Variants in RFWD3 observed in about 807,000 individuals in gnomAD.
RFWD3 encodes ring finger and WD repeat domain 3, also known as E3 ubiquitin-protein ligase RFWD3.
A neutral mutation model predicts 87.7 loss-of-function variants in RFWD3; 65 were observed. The observed-to-expected ratio is 0.74, with a 90% confidence interval of 0.61 to 0.91. RFWD3 has a LOEUF of 0.91. Among genes scored for constraint, RFWD3 ranks in the 40% least tolerant of loss-of-function variants. The pLI is 0.00. For synonymous variants in RFWD3, 433 were observed against 352.8 expected (o/e 1.23, Z -2.55); for missense variants, 1,078 against 938.5 (o/e 1.15, Z -1.94).
At chr16:74,663,876 C>T (rs1423596982) in intron 1 of RFWD3, among the ~76,000 whole-genome samples, 1 of 152,080 alleles carries the variant, frequency 6.6e-6, no homozygotes, top group Non-Finnish European at 1.5e-5. Context: ...CCACAAAAGG[C>T]AATATTGAAA....
At chr16:74,665,921 C>T (rs1961851572) in intron 1 of RFWD3, among the ~76,000 whole-genome samples, 2 of 152,060 alleles carry the variant, frequency 1.3e-5, no homozygotes, top group African/African-American at 2.4e-5. Flanking sequence ...TGGTCTCGAA[C>T]TCCTGGCCTC....
chr16:74,626,284 T>G, intron 12 of RFWD3, 59 bp downstream of exon 12: 1 of 1,498,140 alleles, frequency 6.7e-7, no homozygotes, highest in Non-Finnish European at 9.3e-7. Context: ...ATGTTTTCCC[T>G]TACCAATATT....
intron 2 of RFWD3, 127 bp downstream of exon 2, chr16:74,660,805 G>T: frequency 1.0e-6 from 1 of 989,070 alleles, no homozygotes; most frequent in Non-Finnish European, 1.5e-6. Context: ...TTCCACCTAT[G>T]AGGAACTGGG....
At chr16:74,649,682 A>G (rs1960425031) in intron 3 of RFWD3, among the ~76,000 whole-genome samples, 1 of 152,228 alleles carries the variant, frequency 6.6e-6, no homozygotes, top group Admixed American at 6.5e-5. Flanking sequence ...CATCCAGTTC[A>G]TATTCAAAAT....
At chr16:74,632,443 G>A in intron 9 of RFWD3, 80 bp downstream of exon 9, 1 of 1,459,130 alleles carries the variant, frequency 6.9e-7, no homozygotes, top group Non-Finnish European at 9.5e-7. Context: ...CAGAGCTAAG[G>A]TCATCATAAC....
intron 4 of RFWD3, among the ~76,000 whole-genome samples, chr16:74,647,920 C>G (rs2144234622): frequency 6.6e-6 from 1 of 152,128 alleles, no homozygotes; most frequent in Middle Eastern, 3.4e-3. Flanking sequence ...AAATTATCAC[C>G]TACTAACCAT....
intron 2 of RFWD3, among the ~76,000 whole-genome samples, chr16:74,659,796 A>G (rs1961285261): frequency 6.6e-6 from 1 of 152,166 alleles, no homozygotes; most frequent in East Asian, 1.9e-4. Context: ...CCTTATCACA[A>G]CCAAATCACA....
At chr16:74,632,871 T>G (rs1959143895) in intron 8 of RFWD3, 198 bp from the exon 9 acceptor site, 1 of 537,216 alleles carries the variant, frequency 1.9e-6, no homozygotes, top group Non-Finnish European at 3.3e-6. Context: ...TGCAGTGGCG[T>G]AACCTCAGCT....
Position 74,661,470 on chromosome 16 carries a change from T to C in RFWD3, c.-2-19A>G, listed in dbSNP as rs1961435690. On this transcript the variant is annotated intron_variant, in intron 1 of 12. Transcript: ENST00000361070. ...GCCATCACTAGAGAAACAGTATTTG[T>C]AAAAAGTATTAATAAAATAGATAAA... is the stretch of plus-strand genomic sequence containing the variant. 2.6e-6 allele frequency: 4 copies of C among 1,559,040 alleles called. No individual in the cohort carries two copies. The highest frequency in any genetic ancestry group is 4.0e-5 in the Admixed American group (2 of 49,944).
Position 74,636,446 on chromosome 16 carries a change from G to A in RFWD3, c.1326C>T (p.Phe442=), listed in dbSNP as rs990609586. The A allele has an allele frequency of 4.3e-6, 7 of 1,614,054 alleles. No homozygotes were observed. The highest frequency in any genetic ancestry group is 1.7e-5 in the Admixed American group (1 of 60,004). ...HKHKYHFQKT[F]TVSQAGNCRI... ...GGCAGTTTCCTGCCTGAGATACTGT[G>A]AAGGTCTTTTGGAAGTGGTACTTGT... Residue 442 remains phenylalanine, a synonymous_variant, in exon 8 of 13, where the codon TTC becomes TTT. Transcript: ENST00000361070.
At position 74,623,903 on chromosome 16, in the gene RFWD3, T is replaced by G. The variant is rs748680308; in HGVS notation, c.*25A>C. On this transcript the variant is annotated 3_prime_UTR_variant, in exon 13 of 13. Coordinates refer to ENST00000361070, the MANE Select transcript of RFWD3 (RefSeq NM_018124.4). ...AGCAAACAACATCTAACCAGCAGCATGCCTTCAAGGTTTCGAGACCACAGT... is the reference window on the plus strand; with the variant it reads ...AGCAAACAACATCTAACCAGCAGCAGGCCTTCAAGGTTTCGAGACCACAGT... 8.4e-5 allele frequency: 135 copies of G among 1,612,902 alleles called. No individual in the cohort carries two copies. Among genetic ancestry groups the G allele is most frequent in the Non-Finnish European group, 1.1e-4 (130 of 1,179,316 alleles).
chr16:74,645,745 CTTTTTTTTT>C (rs71376293), intron 4 of RFWD3, among the ~76,000 whole-genome samples: 2 of 74,196 alleles, frequency 2.7e-5, no homozygotes, highest in East Asian at 4.6e-4. Flanking sequence ...CAAATATTTT[CTTTTTTTTT>C]TTTTTTTTTT....
intron 1 of RFWD3, among the ~76,000 whole-genome samples, chr16:74,663,642 C>T (rs1961638177): frequency 6.6e-6 from 1 of 152,170 alleles, no homozygotes; most frequent in African/African-American, 2.4e-5. Flanking sequence ...CAACCTGAGA[C>T]ATTTTTTTAA....
chr16:74,632,449 A>G (rs1243526241), intron 9 of RFWD3, 74 bp downstream of exon 9: 3 of 1,513,562 alleles, frequency 2.0e-6, no homozygotes, highest in Non-Finnish European at 2.7e-6. Flanking sequence ...TAAGGTCATC[A>G]TAACACCGAT....
chr16:74,632,554 CAG>C lies in RFWD3; in HGVS notation c.1544_1545del (p.Ser515CysfsTer8), dbSNP rs772992025. On this transcript the variant is annotated frameshift_variant, in exon 9 of 13. Coordinates refer to ENST00000361070, the MANE Select transcript of RFWD3 (RefSeq NM_018124.4). LOFTEE classifies it high-confidence loss of function. ...AGTTTAATAGTGTTGTCTAGGGAAGCAGAGAGTAGCAAGCCTCTGAGGTAACT... is the reference window on the plus strand; with the variant it reads ...AGTTTAATAGTGTTGTCTAGGGAAGCAGAGTAGCAAGCCTCTGAGGTAACT... ...FSSYLRGLLL[S>X]ASLDNTIKLT... 1.9e-6 allele frequency: 3 copies of C among 1,614,014 alleles called. No homozygotes were observed. The highest frequency in any genetic ancestry group is 2.2e-5 in the East Asian group (1 of 44,880).
chr16:74,649,179 C>T lies in RFWD3; in HGVS notation c.745G>A (p.Glu249Lys). 6.4e-7 allele frequency: 1 copy of T among 1,567,650 alleles called. No individual in the cohort carries two copies. Among genetic ancestry groups the T allele is most frequent in the Non-Finnish European group, 8.6e-7 (1 of 1,164,964 alleles). Residue 249 changes from glutamate to lysine, a missense_variant, in exon 4 of 13, where the codon GAG becomes AAG. By Grantham distance (56) the Glu-to-Lys change is moderately conservative (BLOSUM62 1). Transcript: ENST00000361070. ...LEEQLAGVSA[E>K]QEVTCIDGGK... ...CCATCGATACATGTAACTTCTTGCT[C>T]TGCTGAGACACCTGCTAGTTGCTCT...
intron 8 of RFWD3, among the ~76,000 whole-genome samples, chr16:74,635,659 TTGA>T (rs1201549065): frequency 1.3e-5 from 2 of 152,216 alleles, no homozygotes; most frequent in African/African-American, 2.4e-5. Context: ...TTGGTTTTAT[TTGA>T]TGATAAATCT....
At position 74,652,081 on chromosome 16, in the gene RFWD3, G is replaced by C; in HGVS notation, c.560C>G (p.Thr187Ser). The C allele has an allele frequency of 6.2e-7, 1 of 1,614,070 alleles. No homozygotes were observed. Among genetic ancestry groups the C allele is most frequent in the South Asian group, 1.1e-5 (1 of 91,068 alleles). The change falls in exon 3 of 13, where the codon ACC becomes AGC. Residue 187 changes from threonine to serine, a missense_variant. By Grantham distance (58) the Thr-to-Ser change is moderately conservative (BLOSUM62 1). Coordinates refer to ENST00000361070, the MANE Select transcript of RFWD3 (RefSeq NM_018124.4). ...PLDAYFQVSR[T>S]QPDLPATTYD... is the part of the protein sequence containing the mutation. ...AGTGGTAGCTGGCAAGTCAGGCTGG[G>C]TCCTGCTCACCTGAAAGTAAGCATC...
Position 74,629,240 on chromosome 16 carries a change from GTGCCAAAGT to G in RFWD3, c.1755-583_1755-575del, listed in dbSNP as rs567743853. Among the ~76,000 whole-genome samples, 387 of 152,274 alleles carry G rather than the reference GTGCCAAAGT, an allele frequency of 2.5e-3. 7 individuals carry two copies. The highest frequency in any genetic ancestry group is 1.1e-3 in the Non-Finnish European group (77 of 68,032). On this transcript the variant is annotated intron_variant, in intron 10 of 12. Coordinates refer to ENST00000361070, the MANE Select transcript of RFWD3 (RefSeq NM_018124.4). ...ACTCATTTCTGCTATGAAGTCGTTCGTGCCAAAGTTGCCAAAGTGTCTACTTTGCCTGTT... is the reference window on the plus strand; with the variant it reads ...ACTCATTTCTGCTATGAAGTCGTTCGTGCCAAAGTGTCTACTTTGCCTGTT...
Sources: gnomAD v4.1 joint callset for allele counts (sites outside exome capture counted in the v4.1 genomes callset) on GRCh38, gnomAD v4.1.1 for gene constraint, MANE v1.5 for transcripts, NCBI Gene and HGNC (gene_info 2026-07-23, HGNC 2026-07-21) for gene names.